WDR27: variants seen among roughly 807,000 people sequenced by gnomAD.
WDR27 encodes the protein WD repeat-containing protein 27.
A neutral mutation model predicts 114.4 loss-of-function variants in WDR27; 100 were observed. The observed-to-expected ratio is 0.87, with a 90% CI of 0.74 to 1.03. The LOEUF (loss-of-function observed/expected upper bound fraction) is 1.03. Among genes scored for constraint, WDR27 ranks in the 50% least tolerant of loss-of-function variants. The probability of loss-of-function intolerance (pLI) is 0.00; values close to 1 mark genes in which losing one functional copy is unlikely to be tolerated. For synonymous variants in WDR27, 449 were observed against 423.1 expected, an observed-to-expected ratio of 1.06 and a Z score of -0.75; for missense variants, 1,129 against 1,092.9, an observed-to-expected ratio of 1.03 and a Z score of -0.47.
At chr6:169,458,903 T>G (rs1784594905) in intron 25 of WDR27, among the ~76,000 whole-genome samples, 1 of 151,950 alleles carries the variant, frequency 6.6e-6, no homozygotes, top group Non-Finnish European at 1.5e-5. Context: ...AGGCTGGTCC[T>G]TGGCACAGAG....
intron 25 of WDR27, among the ~76,000 whole-genome samples, chr6:169,497,533 T>C (rs1468860531): frequency 1.4e-5 from 2 of 147,066 alleles, no homozygotes; most frequent in Non-Finnish European, 3.0e-5. Flanking sequence ...ATATCCAGAA[T>C]ATCTAGGGAA....
chr6:169,700,881 T>A (rs1787770101), intron 1 of WDR27, among the ~76,000 whole-genome samples: 1 of 152,232 alleles, frequency 6.6e-6, no homozygotes, highest in African/African-American at 2.4e-5. Context: ...TGTCACAGGA[T>A]ATCCCCAGGA....
intron 2 of WDR27, among the ~76,000 whole-genome samples, chr6:169,683,885 A>T (rs1477199658): frequency 6.6e-6 from 1 of 152,194 alleles, no homozygotes; most frequent in Non-Finnish European, 1.5e-5. Context: ...ACCCCAGATT[A>T]GGAGCACGAA....
chr6:169,697,017 AC>A (rs59796142), intron 1 of WDR27, among the ~76,000 whole-genome samples: 8,918 of 152,282 alleles, frequency 0.059, 522 homozygotes, highest in East Asian at 0.19. Context: ...GCGGCAAGCC[AC>A]CCAGGTGCCG....
At chr6:169,602,398 G>T in intron 22 of WDR27, 77 bp from the exon 23 acceptor site, 1 of 925,732 alleles carries the variant, frequency 1.1e-6, no homozygotes, top group Non-Finnish European at 1.7e-6. Context: ...AAAACAACTT[G>T]TTGCTTTTCT....
rs530375491 is a variant in WDR27, at chr6:169,472,414, T to A, written c.2646-14780A>T. Among the ~76,000 whole-genome samples, 148 of 152,262 alleles carry A rather than the reference T, an allele frequency of 9.7e-4. 1 individual carries two copies. The highest frequency in any genetic ancestry group is 3.4e-3 in the African/African-American group (141 of 41,560). On this transcript the variant is annotated intron_variant, in intron 25 of 25. Coordinates refer to ENST00000448612, the MANE Select transcript of WDR27 (RefSeq NM_182552.5). ...GTGATTACAAACACAGGCTCTAGAG[T>A]CAAACTTTGGTTCTCCCATGCATTT...
intron 1 of WDR27, among the ~76,000 whole-genome samples, chr6:169,696,145 C>A (rs1785882783): frequency 6.6e-6 from 1 of 152,204 alleles, no homozygotes. Flanking sequence ...ATACAAGTGC[C>A]TACAAAATGA....
At chr6:169,592,500 A>G (rs764537664) in intron 23 of WDR27, among the ~76,000 whole-genome samples, 46 of 152,284 alleles carry the variant, frequency 3.0e-4, no homozygotes, top group Non-Finnish European at 4.3e-4. Context: ...GTTATTTTTT[A>G]TATCTATAAA....
At chr6:169,521,038 T>A (rs2128064377) in intron 25 of WDR27, among the ~76,000 whole-genome samples, 1 of 152,144 alleles carries the variant, frequency 6.6e-6, no homozygotes, top group African/African-American at 2.4e-5. Context: ...TAAGGGAAGG[T>A]CAGAGAACAT....
Position 169,520,952 on chromosome 6 carries a change from A to T in WDR27, c.2645+51467T>A, listed in dbSNP as rs138166719. Reference sequence around the variant, plus strand: ...CAAGTTGAACAAGTTGAACAAGAACAAGGAGGTAGAAAGCTTATTCAAAGA... The same window carrying T: ...CAAGTTGAACAAGTTGAACAAGAACTAGGAGGTAGAAAGCTTATTCAAAGA... On this transcript the variant is annotated intron_variant, in intron 25 of 25. Coordinates refer to ENST00000448612, the MANE Select transcript of WDR27 (RefSeq NM_182552.5). Among the ~76,000 whole-genome samples the T allele has an allele frequency of 5.5e-3, 839 of 152,296 alleles. 8 individuals carry two copies. Among genetic ancestry groups the T allele is most frequent in the African/African-American group, 0.019 (797 of 41,564 alleles).
At chr6:169,591,610 T>A (rs961265028) in intron 23 of WDR27, among the ~76,000 whole-genome samples, 7 of 152,172 alleles carry the variant, frequency 4.6e-5, no homozygotes, top group African/African-American at 1.7e-4. Context: ...TAGCTATAGC[T>A]TTTTGGGGGG....
rs191059649 is a variant in WDR27 at position 169,664,551 on chromosome 6, A to G, written c.784-265T>C. ...GGATCCTACTGTGCAGGCCTCCCCA[A>G]GATGCTCCTCTGGGAACCCCAGGCC... On this transcript the variant is annotated intron_variant, in intron 7 of 25. Transcript: ENST00000448612. 2.5e-5 allele frequency: 33 copies of G among 1,326,532 alleles called. No individual in the cohort carries two copies. The East Asian group carries it at 1.1e-3, about 43-fold the overall frequency. The allele number at this position is 1,326,532 out of a possible 1,614,324, so 82.2% of individuals were successfully genotyped here. A position where few individuals can be genotyped will look rare whatever the true frequency, so the allele number is the denominator to read the frequency against.
intron 23 of WDR27, among the ~76,000 whole-genome samples, chr6:169,597,565 G>C (rs151150105): frequency 6.6e-6 from 1 of 152,140 alleles, no homozygotes; most frequent in East Asian, 1.9e-4. Context: ...TTTATCCAGG[G>C]GTAAGCTAAG....
At chr6:169,648,548 G>C (rs1302946549) in intron 15 of WDR27, among the ~76,000 whole-genome samples, 1 of 152,274 alleles carries the variant, frequency 6.6e-6, no homozygotes, top group Non-Finnish European at 1.5e-5. Context: ...CAGGACAGCA[G>C]CAAGGCTGCA....
intron 25 of WDR27, among the ~76,000 whole-genome samples, chr6:169,466,215 C>G (rs974271600): frequency 2.0e-5 from 3 of 152,110 alleles, no homozygotes; most frequent in Non-Finnish European, 4.4e-5. Flanking sequence ...CATCCTCACA[C>G]TTTTTTTGGA....
rs114319709 is a variant in WDR27 at position 169,659,280 on chromosome 6, G to T, written c.1198-73C>A. 1.3e-6 allele frequency: 2 copies of T among 1,556,574 alleles called. No individual in the cohort carries two copies. ...GCAGACGAAACGTGCATCCGCACAC[G>T]TATCCTAACAGCTGCTTCATTCTCA... On this transcript the variant is annotated intron_variant, in intron 11 of 25. Coordinates refer to ENST00000448612, the MANE Select transcript of WDR27 (RefSeq NM_182552.5). The surrounding 1 kb of genome is among the most constrained non-coding windows in gnomAD (Gnocchi z 4.3).
At position 169,457,437 on chromosome 6, in the gene WDR27, G is replaced by C; in HGVS notation, c.*155C>G. 1 of 583,864 alleles carries C rather than the reference G, an allele frequency of 1.7e-6. No individual in the cohort carries two copies. Among genetic ancestry groups the C allele is most frequent in the Non-Finnish European group, 3.0e-6 (1 of 329,390 alleles). The allele number at this position is 583,864 out of a possible 1,614,324, so 36.2% of individuals were successfully genotyped here. A position where few individuals can be genotyped will look rare whatever the true frequency, so the allele number is the denominator to read the frequency against. ...ACTCTGACATGGCACACACAGAGGG[G>C]AGGAGCTTGCAAACGGGGGAAATCT... On this transcript the variant is annotated 3_prime_UTR_variant, in exon 26 of 26. Transcript: ENST00000448612.
At chr6:169,615,955 TAA>T (rs58804837) in intron 21 of WDR27, among the ~76,000 whole-genome samples, 23 of 144,482 alleles carry the variant, frequency 1.6e-4, no homozygotes, top group African/African-American at 4.3e-4. Flanking sequence ...GAAAACCTAA[TAA>T]AAAAAAAAAA....
At position 169,684,045 on chromosome 6, in the gene WDR27, T is replaced by A. The variant is rs1185913308; in HGVS notation, c.189+4772A>T. Reference sequence around the variant, plus strand: ...CAGCCCTGGGGCTCCATCTTTACTATACCAAGCCCACATGAGTGGCTGAAT... The same window carrying A: ...CAGCCCTGGGGCTCCATCTTTACTAAACCAAGCCCACATGAGTGGCTGAAT... On this transcript the variant is annotated intron_variant, in intron 2 of 25. Transcript: ENST00000448612. This position sits in a 1 kb window ranked among gnomAD's most constrained non-coding sequence, Gnocchi z 4.3. 1.3e-5 allele frequency among the ~76,000 whole-genome samples: 2 copies of A among 152,118 alleles called. No individual in the cohort carries two copies. The highest frequency in any genetic ancestry group is 2.9e-5 in the Non-Finnish European group (2 of 68,020).
Sources: gnomAD v4.1 joint callset for allele counts (sites outside exome capture counted in the v4.1 genomes callset) on GRCh38, gnomAD v4.1.1 for gene constraint, Gnocchi (gnomAD v3.1) non-coding constraint, MANE v1.5 for transcripts, NCBI Gene and HGNC (gene_info 2026-07-23, HGNC 2026-07-21) for gene names.